The following ATAD2 variants were observed in gnomAD, a reference collection of about 807,000 sequenced individuals.
The protein encoded by ATAD2 is ATPase family AAA domain containing 2, also known as ATPase family AAA domain-containing protein 2.
In ATAD2, 62 loss-of-function variants were observed where a neutral mutation model predicts 168.9. That is an observed-to-expected ratio of 0.37 (90% CI 0.30 to 0.45). The LOEUF (loss-of-function observed/expected upper bound fraction) is 0.45. Ranked by LOEUF, ATAD2 falls within the 20% of genes least tolerant of loss-of-function variation. The pLI, the probability that ATAD2 is intolerant of heterozygous loss-of-function variation, is 1.00. For synonymous variants in ATAD2, 613 were observed against 571.6 expected (o/e 1.07, Z -1.03); for missense variants, 1,419 against 1,667.8 (o/e 0.85, Z 2.60).
chr8:123,342,769 T>C (rs2131313753), intron 19 of ATAD2, among the ~76,000 whole-genome samples: 1 of 152,284 alleles, frequency 6.6e-6, no homozygotes, highest in Non-Finnish European at 1.5e-5. Context: ...CATAATCTGG[T>C]CCCTTGATAA....
At position 123,348,202 on chromosome 8, in the gene ATAD2, C is replaced by T; in HGVS notation, c.1878G>A (p.Glu626=). 10 of 1,596,518 alleles carry T rather than the reference C, an allele frequency of 6.3e-6. 1 individual carries two copies. In the South Asian group the frequency reaches 9.2e-5, roughly 15 times the overall value. ...GTTTACCAACACAGTTTTCTGCTAGCTCTTCTAAAAATGTGTCCAGTGGTT... is the reference window on the plus strand; with the variant it reads ...GTTTACCAACACAGTTTTCTGCTAGTTCTTCTAAAAATGTGTCCAGTGGTT... The part of the protein sequence containing the change: ...NPKPLDTFLE[E]LAENCVGYCG... The change falls in exon 15 of 28, where the codon GAG becomes GAA. Residue 626 remains glutamate, a synonymous_variant. Coordinates refer to ENST00000287394, the MANE Select transcript of ATAD2 (RefSeq NM_014109.4).
At chr8:123,366,513 A>G (rs1017196560) in intron 8 of ATAD2, among the ~76,000 whole-genome samples, 1 of 152,218 alleles carries the variant, frequency 6.6e-6, no homozygotes, top group African/African-American at 2.4e-5. Flanking sequence ...AACCAACCCA[A>G]ATGTCCATCA....
rs537298761 is a variant in ATAD2 at position 123,374,604 on chromosome 8, C to T, written c.321-1918G>A. Reference sequence around the variant, plus strand: ...AAGCAACCTTCCAAGGGTTGGTAAACTTTTCCTTCAATTGCTATGCACTAA... The same window carrying T: ...AAGCAACCTTCCAAGGGTTGGTAAATTTTTCCTTCAATTGCTATGCACTAA... On this transcript the variant is annotated intron_variant, in intron 2 of 27. Coordinates refer to ENST00000287394, the MANE Select transcript of ATAD2 (RefSeq NM_014109.4). Among the ~76,000 whole-genome samples, 5 of 152,278 alleles carry T rather than the reference C, an allele frequency of 3.3e-5. No homozygotes were observed. The East Asian group carries it at 9.6e-4, about 29-fold the overall frequency.
chr8:123,357,793 C>A, intron 11 of ATAD2, 57 bp from the exon 12 acceptor site: 1 of 1,458,314 alleles, frequency 6.9e-7, no homozygotes, highest in South Asian at 1.4e-5. Context: ...ACTTTTAAAA[C>A]AAAAATTAGA....
chr8:123,325,844 G>A lies in ATAD2; in HGVS notation c.4002+49C>T. 1.9e-6 allele frequency: 3 copies of A among 1,594,536 alleles called. No homozygotes were observed. The South Asian group carries it at 3.4e-5, about 18-fold the overall frequency. On this transcript the variant is annotated intron_variant, in intron 26 of 27. Transcript: ENST00000287394. ...GCTACTAGTCACAAGCCAGTGTTTG[G>A]GGATTAGTAATCTGCAGAGTAAAAG...
At chr8:123,324,782 A>G (rs114479420) in intron 26 of ATAD2, among the ~76,000 whole-genome samples, 7 of 152,364 alleles carry the variant, frequency 4.6e-5, no homozygotes, top group Non-Finnish European at 1.0e-4. Context: ...ATGTCATTTT[A>G]TTACAGTGGT....
chr8:123,330,563 C>T (rs923627237), intron 24 of ATAD2, among the ~76,000 whole-genome samples: 9 of 152,016 alleles, frequency 5.9e-5, no homozygotes, highest in East Asian at 2.0e-4. Context: ...GGGGTTTCAC[C>T]GTGTTAGCCA....
At chr8:123,388,250 C>T (rs1174365539) in intron 1 of ATAD2, among the ~76,000 whole-genome samples, 1 of 152,150 alleles carries the variant, frequency 6.6e-6, no homozygotes, top group Non-Finnish European at 1.5e-5. Context: ...GGCTGGAGTA[C>T]AGTGGCACAA....
chr8:123,347,467 C>T, intron 15 of ATAD2, 61 bp from the exon 16 acceptor site: 1 of 1,416,630 alleles, frequency 7.1e-7, no homozygotes, highest in Non-Finnish European at 9.5e-7. Flanking sequence ...ACACAAAACT[C>T]TATTAGCATG....
At chr8:123,413,405 T>G (rs1223122671) in intron 1 of ATAD2, among the ~76,000 whole-genome samples, 1 of 152,216 alleles carries the variant, frequency 6.6e-6, no homozygotes, top group Non-Finnish European at 1.5e-5. Context: ...AGTACCTATG[T>G]TCTGCCAGGC....
rs113374342 is a variant in ATAD2 at position 123,371,869 on chromosome 8, C to T, written c.371-34G>A. 3.0e-3 allele frequency: 4,392 copies of T among 1,473,564 alleles called. 116 individuals are homozygous for T. The African/African-American group carries it at 0.055, about 18-fold the overall frequency. 91.3% of individuals were successfully genotyped at this position (1,473,564 alleles called of 1,614,324 possible). ...ATGCATACATAAAAATAAATAGAAA[C>T]ATTTGAAATAATAGTATTTATAAAA... On this transcript the variant is annotated intron_variant, in intron 3 of 27. Coordinates refer to ENST00000287394, the MANE Select transcript of ATAD2 (RefSeq NM_014109.4).
intron 8 of ATAD2, among the ~76,000 whole-genome samples, chr8:123,363,407 G>A (rs187772047): frequency 9.4e-4 from 143 of 152,274 alleles, no homozygotes; most frequent in Middle Eastern, 6.8e-3. Context: ...CACTACATAT[G>A]TTGTGTGTTA....
chr8:123,378,227 T>C (rs1829378224), intron 2 of ATAD2, among the ~76,000 whole-genome samples: 1 of 152,176 alleles, frequency 6.6e-6, no homozygotes, highest in African/African-American at 2.4e-5. Context: ...ATAAACATTG[T>C]CATGTAATTG....
chr8:123,327,204 G>A (rs531619986), intron 25 of ATAD2, among the ~76,000 whole-genome samples: 4 of 152,264 alleles, frequency 2.6e-5, no homozygotes, highest in East Asian at 3.9e-4. Context: ...ACGCCTGACC[G>A]TGAAGAGAGA....
At chr8:123,380,875 A>G (rs1829474615) in intron 1 of ATAD2, 198 bp from the exon 2 acceptor site, 2 of 559,506 alleles carry the variant, frequency 3.6e-6, no homozygotes, top group African/African-American at 1.9e-5. Flanking sequence ...ATGTCTATGA[A>G]GCAGCTAATA....
At position 123,404,528 on chromosome 8, in the gene ATAD2, T is replaced by C. The variant is rs114223539; in HGVS notation, c.-2281-3353A>G. On this transcript the variant is annotated intron_variant, in intron 1 of 28. Transcript: ENST00000521903. ...TCATATGTCCTTCTTTCCTGTCTTT[T>C]TGTGCTTGTACTCAAGTCTCTCCCC... 7.8e-3 allele frequency among the ~76,000 whole-genome samples: 1,190 copies of C among 152,162 alleles called. 6 individuals carry two copies. Among genetic ancestry groups the C allele is most frequent in the African/African-American group, 0.028 (1,146 of 41,536 alleles).
intron 12 of ATAD2, 51 bp downstream of exon 12, chr8:123,357,511 A>G (rs1218748859): frequency 1.3e-6 from 2 of 1,489,340 alleles, no homozygotes; most frequent in Non-Finnish European, 1.8e-6. Flanking sequence ...CCTCACACAC[A>G]TCTGCCTAGA....
chr8:123,367,492 G>A (rs1433905531), intron 8 of ATAD2, among the ~76,000 whole-genome samples: 7 of 152,190 alleles, frequency 4.6e-5, no homozygotes, highest in Non-Finnish European at 8.8e-5. Context: ...ATCAAACAGA[G>A]ATCCACCCCT....
At chr8:123,376,670 T>C (rs547816904) in intron 2 of ATAD2, among the ~76,000 whole-genome samples, 69 of 152,054 alleles carry the variant, frequency 4.5e-4, no homozygotes, top group Non-Finnish European at 7.2e-4. Context: ...AAATAATTAA[T>C]ATGGCCAGGC....
Sources: allele counts gnomAD v4.1 joint callset (sites outside exome capture counted in the v4.1 genomes callset), GRCh38; gene constraint gnomAD v4.1.1; transcripts MANE v1.5; gene names NCBI Gene and HGNC (gene_info 2026-07-23, HGNC 2026-07-21).